The following CRTAP variants were observed in gnomAD, a reference collection of about 807,000 sequenced individuals.
CRTAP encodes cartilage-associated protein.
A neutral mutation model predicts 42.7 loss-of-function variants in CRTAP; 33 were observed. That is an observed-to-expected ratio of 0.77 (90% CI 0.59 to 1.03). The LOEUF is 1.03. CRTAP is among the 50% of genes least tolerant of loss of function. The probability of loss-of-function intolerance (pLI) is 0.00; values close to 1 mark genes in which losing one functional copy is unlikely to be tolerated. For synonymous variants in CRTAP, 243 were observed against 217.7 expected (o/e 1.12, Z -1.02); for missense variants, 613 against 533.9 (o/e 1.15, Z -1.46).
intron 1 of CRTAP, among the ~76,000 whole-genome samples, chr3:33,118,795 G>T (rs1201192902): frequency 1.3e-5 from 2 of 152,142 alleles, no homozygotes; most frequent in Non-Finnish European, 2.9e-5. Flanking sequence ...TCACAGGGAG[G>T]CCTCTGCATC....
intron 6 of CRTAP, among the ~76,000 whole-genome samples, chr3:33,136,527 G>T (rs888067244): frequency 1.3e-5 from 2 of 152,186 alleles, no homozygotes; most frequent in Non-Finnish European, 2.9e-5. Flanking sequence ...AAGGCAGGAG[G>T]ATTGCTTGAG....
chr3:33,121,004 A>C (rs889072551), intron 2 of CRTAP, among the ~76,000 whole-genome samples: 5 of 152,210 alleles, frequency 3.3e-5, no homozygotes, highest in African/African-American at 1.2e-4. Flanking sequence ...AGTCGTAAGA[A>C]CAACAATAAG....
At chr3:33,136,554 GTAACA>G (rs1450589232) in intron 6 of CRTAP, among the ~76,000 whole-genome samples, 1 of 152,148 alleles carries the variant, frequency 6.6e-6, no homozygotes, top group Non-Finnish European at 1.5e-5. Flanking sequence ...ACTAGCCTGA[GTAACA>G]TAGTGAGACT....
chr3:33,140,426 A>G (rs754383733), intron 6 of CRTAP, among the ~76,000 whole-genome samples: 2 of 152,218 alleles, frequency 1.3e-5, no homozygotes, highest in African/African-American at 2.4e-5. Flanking sequence ...TTTTCTTACT[A>G]TATACCAAAT....
chr3:33,115,015 C>G (rs1701327452), intron 1 of CRTAP, among the ~76,000 whole-genome samples: 1 of 152,178 alleles, frequency 6.6e-6, no homozygotes, highest in Non-Finnish European at 1.5e-5. Flanking sequence ...GCTATCATGG[C>G]TCACTGCAGC....
At chr3:33,115,933 C>T (rs910695361) in intron 1 of CRTAP, among the ~76,000 whole-genome samples, 1 of 151,386 alleles carries the variant, frequency 6.6e-6, no homozygotes, top group African/African-American at 2.5e-5. Context: ...TAAAAAAAAA[C>T]AGTTTTAAAA....
intron 2 of CRTAP, among the ~76,000 whole-genome samples, chr3:33,121,926 C>T (rs558063714): frequency 6.7e-4 from 102 of 152,254 alleles, no homozygotes; most frequent in Non-Finnish European, 1.2e-3. Context: ...CCATGCCTTA[C>T]CCCAGCCTCC....
intron 3 of CRTAP, among the ~76,000 whole-genome samples, chr3:33,126,190 T>C (rs187026479): frequency 2.0e-4 from 31 of 152,364 alleles, no homozygotes; most frequent in Admixed American, 3.9e-4. Flanking sequence ...TTGACTACTC[T>C]AGATACATCA....
intron 2 of CRTAP, among the ~76,000 whole-genome samples, chr3:33,124,020 T>C (rs531952544): frequency 6.6e-6 from 1 of 152,338 alleles, no homozygotes; most frequent in African/African-American, 2.4e-5. Flanking sequence ...GTCCTGTAAC[T>C]GCCATCATAG....
intron 5 of CRTAP, 61 bp downstream of exon 5, chr3:33,132,761 C>G: frequency 6.3e-7 from 1 of 1,592,014 alleles, no homozygotes; most frequent in Non-Finnish European, 8.6e-7. Flanking sequence ...GAGACTACCT[C>G]GTGCCTTAAG....
chr3:33,129,695 G>A (rs371357081), intron 3 of CRTAP, among the ~76,000 whole-genome samples: 3 of 151,588 alleles, frequency 2.0e-5, no homozygotes, highest in East Asian at 3.9e-4. Context: ...CCACCACGAC[G>A]CCCAGCTAAT....
Position 33,119,520 on chromosome 3 carries a change from ATTG to A in CRTAP, c.472-821_472-819del, listed in dbSNP as rs35015376. ...GGGATTTTTTTTTCCTGTTTTGCTT[ATTG>A]TTATAGACCCACAACCTAGAAATGG... is the stretch of plus-strand genomic sequence containing the variant. On this transcript the variant is annotated intron_variant, in intron 1 of 6. Transcript: ENST00000320954. 0.18 allele frequency among the ~76,000 whole-genome samples: 27,687 copies of A among 151,652 alleles called. 3,691 individuals carry two copies. The highest frequency in any genetic ancestry group is 0.58 in the East Asian group (2,944 of 5,116).
At chr3:33,134,300 A>G (rs2030359957) in intron 6 of CRTAP, 35 bp downstream of exon 6, 2 of 1,371,262 alleles carry the variant, frequency 1.5e-6, no homozygotes, top group African/African-American at 2.9e-5. Flanking sequence ...TCTGGTGGCT[A>G]CGAGAAAATA....
At chr3:33,138,996 T>C (rs2030499956) in intron 6 of CRTAP, among the ~76,000 whole-genome samples, 1 of 151,934 alleles carries the variant, frequency 6.6e-6, no homozygotes, top group Non-Finnish European at 1.5e-5. Flanking sequence ...ACAAAAAAAT[T>C]AGCTGGGCGT....
intron 6 of CRTAP, among the ~76,000 whole-genome samples, chr3:33,140,815 CAG>C (rs1056905288): frequency 1.3e-5 from 2 of 152,140 alleles, no homozygotes; most frequent in Non-Finnish European, 2.9e-5. Context: ...GAATGAGGGT[CAG>C]GGGAAGGAGC....
chr3:33,120,364 C>G lies in CRTAP; in HGVS notation c.492C>G (p.Ala164=), dbSNP rs2029867516. 1 of 1,614,072 alleles carries G rather than the reference C, an allele frequency of 6.2e-7. No homozygotes were observed. Among genetic ancestry groups the G allele is most frequent in the African/African-American group, 1.3e-5 (1 of 74,932 alleles). Residue 164 remains alanine (A), a synonymous_variant, in exon 2 of 7, where the codon GCC becomes GCG. Coordinates refer to ENST00000320954, the MANE Select transcript of CRTAP (RefSeq NM_006371.5). The part of the protein sequence containing the change: ...AYFKANNLPK[A]IAAAHTFLLK... ...TTTAGGCAAATAATCTCCCCAAAGCCATCGCCGCTGCTCACACCTTTCTAC... is the reference window on the plus strand; with the variant it reads ...TTTAGGCAAATAATCTCCCCAAAGCGATCGCCGCTGCTCACACCTTTCTAC...
At position 33,124,566 on chromosome 3, in the gene CRTAP, C is replaced by T. The variant is rs1246927335; in HGVS notation, c.780C>T (p.Tyr260=). The T allele has an allele frequency of 6.2e-7, 1 of 1,614,112 alleles. No homozygotes were observed. Among genetic ancestry groups the T allele is most frequent in the African/African-American group, 1.3e-5 (1 of 74,930 alleles). The change falls in exon 3 of 7, where the codon TAC becomes TAT. Residue 260 remains tyrosine, a synonymous_variant. Transcript: ENST00000320954. Reference sequence around the variant, plus strand: ...AGATCAAGGACTTCAAGGATTTCTACCTTTCCATAGCAGGTTGGTGGTAGG... The same window carrying T: ...AGATCAAGGACTTCAAGGATTTCTATCTTTCCATAGCAGGTTGGTGGTAGG... The part of the protein sequence containing the change: ...SREIKDFKDF[Y]LSIADHYVEV...
intron 1 of CRTAP, among the ~76,000 whole-genome samples, chr3:33,114,935 A>G (rs1232383766): frequency 6.6e-6 from 1 of 152,120 alleles, no homozygotes; most frequent in African/African-American, 2.4e-5. Context: ...TGAGGAGCCG[A>G]CAAGTACCTT....
chr3:33,129,572 C>T (rs1177448910), intron 3 of CRTAP, among the ~76,000 whole-genome samples: 3 of 122,328 alleles, frequency 2.5e-5, no homozygotes, highest in Non-Finnish European at 3.2e-5. Flanking sequence ...GAGTCTTGCT[C>T]TGTTGCCCAG....
Sources: allele counts gnomAD v4.1 joint callset (sites outside exome capture counted in the v4.1 genomes callset), GRCh38; gene constraint gnomAD v4.1.1; transcripts MANE v1.5; gene names NCBI Gene and HGNC (gene_info 2026-07-23, HGNC 2026-07-21).